The following CSMD1 variants were observed in gnomAD, a reference collection of about 807,000 sequenced individuals.
CSMD1 encodes the protein CUB and sushi domain-containing protein 1.
In CSMD1, 213 loss-of-function variants were observed where a neutral mutation model predicts 417.5. The observed-to-expected ratio is 0.51, with a 90% CI of 0.46 to 0.57. The LOEUF (loss-of-function observed/expected upper bound fraction) is 0.57, where lower values mean the gene tolerates loss of function less well. CSMD1 is among the 20% of genes least tolerant of loss of function. The pLI is 0.00. For synonymous variants in CSMD1, 2,862 were observed against 1,736.8 expected (o/e 1.65, Z -16.11); for missense variants, 6,923 against 4,529.7 (o/e 1.53, Z -15.17).
chr8:3,998,812 C>A (rs1585106133), intron 4 of CSMD1, among the ~76,000 whole-genome samples: 1 of 149,084 alleles, frequency 6.7e-6, no homozygotes, highest in South Asian at 2.1e-4. Context: ...AAAAAAGCTT[C>A]TTTGTTACAT....
chr8:3,314,506 G>T lies in CSMD1; in HGVS notation c.3632-6003C>A, dbSNP rs4518689. 7.5e-3 allele frequency among the ~76,000 whole-genome samples: 1,143 copies of T among 152,148 alleles called. 20 individuals are homozygous for T. The highest frequency in any genetic ancestry group is 0.025 in the African/African-American group (1,058 of 41,506). ...TTTATGCTCTAGAAACTTTAAAAAAGACTAAATCACATTATTTGTGTCAAA... is the reference window on the plus strand; with the variant it reads ...TTTATGCTCTAGAAACTTTAAAAAATACTAAATCACATTATTTGTGTCAAA... On this transcript the variant is annotated intron_variant, in intron 23 of 69. Coordinates refer to ENST00000635120, the MANE Select transcript of CSMD1 (RefSeq NM_033225.6).
intron 3 of CSMD1, among the ~76,000 whole-genome samples, chr8:4,291,145 G>C (rs1013376142): frequency 1.3e-5 from 2 of 152,006 alleles, no homozygotes; most frequent in South Asian, 4.2e-4. Flanking sequence ...TCTTAATATG[G>C]TTTGGGGATT....
At chr8:4,307,961 A>G (rs1798340635) in intron 3 of CSMD1, among the ~76,000 whole-genome samples, 1 of 152,154 alleles carries the variant, frequency 6.6e-6, no homozygotes, top group Non-Finnish European at 1.5e-5. Flanking sequence ...GAGGAGAGAC[A>G]CACCTGAAGA....
At chr8:3,353,564 T>C (rs1032239274) in intron 21 of CSMD1, among the ~76,000 whole-genome samples, 1 of 152,190 alleles carries the variant, frequency 6.6e-6, no homozygotes, top group Non-Finnish European at 1.5e-5. Flanking sequence ...CAGTATCCCG[T>C]AGGACGTAAT....
chr8:3,087,341 G>T, intron 48 of CSMD1, 56 bp from the exon 49 acceptor site: 3 of 1,551,958 alleles, frequency 1.9e-6, no homozygotes, highest in South Asian at 2.3e-5. Flanking sequence ...AATGGCCAGT[G>T]CCATTGCCTT....
intron 5 of CSMD1, among the ~76,000 whole-genome samples, chr8:3,755,683 C>T (rs113213669): frequency 3.3e-5 from 5 of 152,118 alleles, no homozygotes; most frequent in African/African-American, 9.7e-5. Context: ...CATAGTCAAG[C>T]TTTCTGATGT....
At chr8:3,589,239 C>G (rs1800736843) in intron 8 of CSMD1, among the ~76,000 whole-genome samples, 2 of 152,020 alleles carry the variant, frequency 1.3e-5, no homozygotes, top group African/African-American at 4.8e-5. Flanking sequence ...ACTTCTGATC[C>G]TATATCTGAA....
chr8:3,845,155 G>A (rs115580633), intron 5 of CSMD1, among the ~76,000 whole-genome samples: 2 of 152,200 alleles, frequency 1.3e-5, no homozygotes, highest in African/African-American at 4.8e-5. Context: ...AAGGCAGGAA[G>A]ACAGTTTATG....
chr8:4,082,806 T>G (rs956711962), intron 3 of CSMD1, among the ~76,000 whole-genome samples: 7 of 134,714 alleles, frequency 5.2e-5, no homozygotes, highest in Non-Finnish European at 9.2e-5. Flanking sequence ...GATGTTCCCT[T>G]TCCTGTGTCC....
intron 21 of CSMD1, among the ~76,000 whole-genome samples, chr8:3,349,588 C>G (rs1011479833): frequency 1.3e-5 from 2 of 150,828 alleles, no homozygotes; most frequent in African/African-American, 2.4e-5. Flanking sequence ...CTCAAAGATG[C>G]CATTGGGAAT....
intron 1 of CSMD1, among the ~76,000 whole-genome samples, chr8:4,671,030 C>G (rs1448754678): frequency 6.6e-6 from 1 of 152,174 alleles, no homozygotes; most frequent in Non-Finnish European, 1.5e-5. Flanking sequence ...GCTGTTTTAT[C>G]CACTAATAAT....
intron 3 of CSMD1, among the ~76,000 whole-genome samples, chr8:4,092,623 G>C (rs974171956): frequency 9.9e-5 from 15 of 152,150 alleles, no homozygotes; most frequent in African/African-American, 3.4e-4. Context: ...TGAGAAGAAT[G>C]ACGTGAATTA....
intron 10 of CSMD1, among the ~76,000 whole-genome samples, chr8:3,512,310 C>T (rs11989593): frequency 0.034 from 5,139 of 152,296 alleles, 265 homozygotes; most frequent in East Asian, 0.22. Context: ...AGTTTAGCAA[C>T]TTATTTGTTC....
intron 5 of CSMD1, among the ~76,000 whole-genome samples, chr8:3,868,384 C>T (rs57931671): frequency 6.6e-6 from 1 of 151,924 alleles, no homozygotes; most frequent in Non-Finnish European, 1.5e-5. Flanking sequence ...CTGCAGGCCA[C>T]AGGTCCCTGC....
intron 4 of CSMD1, among the ~76,000 whole-genome samples, chr8:4,008,462 G>A (rs757570477): frequency 2.9e-4 from 44 of 151,582 alleles, no homozygotes; most frequent in South Asian, 6.2e-4. Flanking sequence ...TTAAATAAAT[G>A]CTATTTAAAA....
intron 2 of CSMD1, among the ~76,000 whole-genome samples, chr8:4,489,846 G>T (rs985072584): frequency 4.6e-5 from 7 of 152,118 alleles, no homozygotes; most frequent in Admixed American, 4.6e-4. Context: ...GCCTTGTGAG[G>T]TCGTAAGCAG....
At chr8:4,202,739 A>G (rs556714574) in intron 3 of CSMD1, among the ~76,000 whole-genome samples, 1 of 152,344 alleles carries the variant, frequency 6.6e-6, no homozygotes, top group African/African-American at 2.4e-5. Flanking sequence ...CTTAATAACT[A>G]AGTGTTACAA....
intron 23 of CSMD1, among the ~76,000 whole-genome samples, chr8:3,340,752 G>A (rs1307771381): frequency 1.3e-5 from 2 of 152,028 alleles, no homozygotes; most frequent in Non-Finnish European, 2.9e-5. Context: ...TTGATTATAT[G>A]GCCATCAGCA....
At chr8:3,968,864 C>A (rs762974108) in intron 5 of CSMD1, among the ~76,000 whole-genome samples, 2 of 152,176 alleles carry the variant, frequency 1.3e-5, no homozygotes, top group South Asian at 4.1e-4. Flanking sequence ...GATCACACAT[C>A]ATCTTTTCTT....
Sources: allele counts gnomAD v4.1 joint callset (sites outside exome capture counted in the v4.1 genomes callset), GRCh38; gene constraint gnomAD v4.1.1; transcripts MANE v1.5; gene names NCBI Gene and HGNC (gene_info 2026-07-23, HGNC 2026-07-21).